Variants in STYK1 observed in about 807,000 individuals in gnomAD.
STYK1 encodes STY kinase 1.
In STYK1, 46 loss-of-function variants were observed where a neutral mutation model predicts 48.1. The ratio of observed to expected loss-of-function variants is 0.96; its 90% CI spans 0.75 to 1.22. The LOEUF (loss-of-function observed/expected upper bound fraction) is 1.22. Among genes scored for constraint, STYK1 ranks in the 50% most tolerant of loss-of-function variants. STYK1 has a pLI of 0.00. For synonymous variants in STYK1, 188 were observed against 189.0 expected (o/e 0.99, Z 0.04); for missense variants, 527 against 521.1 (o/e 1.01, Z -0.11).
intron 5 of STYK1, 53 bp downstream of exon 5, chr12:10,630,992 C>G: frequency 6.3e-7 from 1 of 1,595,738 alleles, no homozygotes. Context: ...GTTCGCAAAG[C>G]CTGTTAATAT....
intron 10 of STYK1, 109 bp from the exon 11 acceptor site, chr12:10,620,457 C>A: frequency 1.0e-6 from 1 of 985,164 alleles, no homozygotes; most frequent in Non-Finnish European, 1.5e-6. Flanking sequence ...CTTTAATTGT[C>A]TTCTGTTTGC....
In STYK1 at chr12:10,634,066, G is replaced by A. The variant is rs149554350; in HGVS notation, c.111C>T (p.Phe37=). 34 of 1,614,164 alleles carry A rather than the reference G, an allele frequency of 2.1e-5. No individual in the cohort carries two copies. The African/African-American group carries it at 3.5e-4, about 16-fold the overall frequency. The change falls in exon 4 of 11, where the codon TTC becomes TTT. Residue 37 remains phenylalanine (F), a synonymous_variant. Coordinates refer to ENST00000075503, the MANE Select transcript of STYK1 (RefSeq NM_018423.3). ...ACAGGATGACCCCAAGAAGGATGAG[G>A]AAGATAGTAACCAACAAAGTTGGGA... is the stretch of plus-strand genomic sequence containing the variant. ...IIVPTLLVTI[F]LILLGVILWL... is the part of the protein sequence containing the mutation.
At position 10,634,560 on chromosome 12, in the gene STYK1, T is replaced by C; in HGVS notation, c.52+7A>G. On this transcript the variant is annotated splice_region_variant and intron_variant, in intron 3 of 10. Coordinates refer to ENST00000075503, the MANE Select transcript of STYK1 (RefSeq NM_018423.3). ...AGAGGATAGACATCTGTGGAATCCG[T>C]ACTTACCACACAACTTGTCACTGAG... is the stretch of plus-strand genomic sequence containing the variant. 1 of 1,613,658 alleles carries C rather than the reference T, an allele frequency of 6.2e-7. No homozygotes were observed. The highest frequency in any genetic ancestry group is 8.5e-7 in the Non-Finnish European group (1 of 1,179,552).
intron 7 of STYK1, among the ~76,000 whole-genome samples, chr12:10,627,355 T>C (rs1392245727): frequency 6.6e-6 from 1 of 152,210 alleles, no homozygotes; most frequent in African/African-American, 2.4e-5. Flanking sequence ...GGTGTATACC[T>C]CTTGGCCCTG....
chr12:10,644,365 A>G (rs950868568), intron 1 of STYK1, among the ~76,000 whole-genome samples: 1 of 152,262 alleles, frequency 6.6e-6, no homozygotes, highest in Non-Finnish European at 1.5e-5. Flanking sequence ...GAAACTCTAC[A>G]TTCTAGTTCA....
intron 1 of STYK1, among the ~76,000 whole-genome samples, chr12:10,649,697 T>C (rs1947638496): frequency 6.6e-6 from 1 of 152,152 alleles, no homozygotes; most frequent in Admixed American, 6.5e-5. Flanking sequence ...GCAGAAAAGT[T>C]TGATAGCAGA....
chr12:10,653,707 C>G (rs537131747), intron 1 of STYK1, among the ~76,000 whole-genome samples: 2 of 151,586 alleles, frequency 1.3e-5, no homozygotes, highest in African/African-American at 4.9e-5. Context: ...AGATGTGCTC[C>G]GACTGATACA....
intron 1 of STYK1, among the ~76,000 whole-genome samples, chr12:10,642,255 T>C (rs987715516): frequency 1.3e-5 from 2 of 152,224 alleles, no homozygotes; most frequent in Non-Finnish European, 2.9e-5. Flanking sequence ...TTACCCTGCA[T>C]AGAATTTCCT....
chr12:10,627,242 C>G (rs1328654396), intron 7 of STYK1, among the ~76,000 whole-genome samples: 1 of 152,144 alleles, frequency 6.6e-6, no homozygotes, highest in African/African-American at 2.4e-5. Context: ...GCCTTTCACC[C>G]ATTCAGTTTC....
intron 1 of STYK1, among the ~76,000 whole-genome samples, chr12:10,642,124 C>T (rs555013412): frequency 2.0e-5 from 3 of 152,310 alleles, no homozygotes; most frequent in African/African-American, 7.2e-5. Flanking sequence ...TACCCTCAGC[C>T]AGTTATGCTA....
At chr12:10,655,131 T>C (rs1947704023) in intron 1 of STYK1, among the ~76,000 whole-genome samples, 1 of 152,204 alleles carries the variant, frequency 6.6e-6, no homozygotes, top group African/African-American at 2.4e-5. Flanking sequence ...CTGTAGTGAA[T>C]CTGGTGTATT....
chr12:10,623,838 A>G (rs1361034680), intron 8 of STYK1, among the ~76,000 whole-genome samples: 1 of 152,180 alleles, frequency 6.6e-6, no homozygotes, highest in Non-Finnish European at 1.5e-5. Context: ...AAAAGATACT[A>G]TTTACACTAA....
chr12:10,641,079 C>T, intron 1 of STYK1, among the ~76,000 whole-genome samples: 1 of 152,134 alleles, frequency 6.6e-6, no homozygotes, highest in East Asian at 1.9e-4. Flanking sequence ...TATTCTCCTG[C>T]TGATTACGTT....
intron 1 of STYK1, among the ~76,000 whole-genome samples, chr12:10,662,525 T>G (rs749802148): frequency 2.0e-5 from 3 of 152,214 alleles, no homozygotes; most frequent in Non-Finnish European, 4.4e-5. Context: ...AAACACTTCT[T>G]GCTTTTTGTC....
At chr12:10,639,359 G>A (rs1285842982) in intron 1 of STYK1, among the ~76,000 whole-genome samples, 1 of 151,998 alleles carries the variant, frequency 6.6e-6, no homozygotes, top group African/African-American at 2.4e-5. Flanking sequence ...TACAAAGAAG[G>A]CAAGGCAGAA....
At chr12:10,648,236 T>C (rs1466974861) in intron 1 of STYK1, among the ~76,000 whole-genome samples, 1 of 152,076 alleles carries the variant, frequency 6.6e-6, no homozygotes, top group Non-Finnish European at 1.5e-5. Flanking sequence ...ACAAAATAAA[T>C]TTTGGGAAAA....
intron 3 of STYK1, 146 bp from the exon 4 acceptor site, chr12:10,634,270 A>G (rs185864384): frequency 1.7e-5 from 17 of 1,009,198 alleles, no homozygotes; most frequent in Non-Finnish European, 2.5e-5. Flanking sequence ...TTCAACAGAA[A>G]CACTGCTGGG....
intron 1 of STYK1, among the ~76,000 whole-genome samples, chr12:10,638,253 G>A (rs1947507355): frequency 6.6e-6 from 1 of 152,040 alleles, no homozygotes; most frequent in South Asian, 2.1e-4. Context: ...CTTCAGGCAG[G>A]GTTCTAGTTA....
In STYK1 at chr12:10,657,809, C is replaced by G. The variant is rs757278858; in HGVS notation, c.-195+16157G>C. 6.2e-4 allele frequency among the ~76,000 whole-genome samples: 94 copies of G among 152,218 alleles called. 2 individuals are homozygous for G. The highest frequency in any genetic ancestry group is 2.9e-4 in the Non-Finnish European group (20 of 68,014). ...ATCACTTACTTACCAGGTTTTGCAC[C>G]AAAAATAAAAGTTGCTAAGAGTTAA... On this transcript the variant is annotated intron_variant, in intron 1 of 10. Transcript: ENST00000075503.
Sources: allele counts gnomAD v4.1 joint callset (sites outside exome capture counted in the v4.1 genomes callset), GRCh38; gene constraint gnomAD v4.1.1; transcripts MANE v1.5; gene names NCBI Gene and HGNC (gene_info 2026-07-23, HGNC 2026-07-21).